The following ABLIM1 variants were observed in gnomAD, a reference collection of about 807,000 sequenced individuals.
ABLIM1 encodes actin binding LIM protein 1.
In ABLIM1, 40 loss-of-function variants were observed where a neutral mutation model predicts 107.0. The observed-to-expected ratio is 0.37, with a 90% CI of 0.29 to 0.49. The LOEUF (loss-of-function observed/expected upper bound fraction) is 0.49, where lower values mean the gene tolerates loss of function less well. Among genes scored for constraint, ABLIM1 ranks in the 20% least tolerant of loss-of-function variants. The pLI is 0.97. For missense variants in ABLIM1, 857 were observed against 1,008.5 expected (o/e 0.85, Z 2.04); for synonymous variants, 357 against 357.3 (o/e 1.00, Z 0.01).
intron 6 of ABLIM1, among the ~76,000 whole-genome samples, chr10:114,524,193 G>A (rs1469122933): frequency 6.6e-6 from 1 of 152,140 alleles, no homozygotes; most frequent in Non-Finnish European, 1.5e-5. Context: ...GGTAGCTCCT[G>A]GAAGTCACGG....
intron 1 of ABLIM1, among the ~76,000 whole-genome samples, chr10:114,630,558 C>A (rs939874063): frequency 2.0e-4 from 31 of 152,182 alleles, no homozygotes; most frequent in African/African-American, 7.5e-4. Context: ...TCCTGAGGTG[C>A]AGCCTTTACA....
At chr10:114,705,934 G>A (rs948398351) in intron 1 of ABLIM1, among the ~76,000 whole-genome samples, 5 of 152,130 alleles carry the variant, frequency 3.3e-5, no homozygotes, top group Non-Finnish European at 5.9e-5. Context: ...GAATTCCCAA[G>A]ACAAATAGGC....
intron 6 of ABLIM1, among the ~76,000 whole-genome samples, chr10:114,523,758 C>G (rs2064150714): frequency 6.6e-6 from 1 of 152,162 alleles, no homozygotes; most frequent in African/African-American, 2.4e-5. Flanking sequence ...GACCAAGCTC[C>G]TGGGTGGTCT....
the ABLIM1 span, among the ~76,000 whole-genome samples, chr10:114,794,244 C>T: frequency 6.6e-6 from 1 of 152,224 alleles, no homozygotes; most frequent in Non-Finnish European, 1.5e-5. Flanking sequence ...TCTTACCCTG[C>T]TTCATTTTCT....
intron 6 of ABLIM1, chr10:114,526,609 C>G: frequency 1.0e-6 from 1 of 985,414 alleles, no homozygotes; most frequent in Non-Finnish European, 1.2e-6. Context: ...AATCTCACAT[C>G]TGCCACGCAA....
intron 1 of ABLIM1, among the ~76,000 whole-genome samples, chr10:114,625,081 T>C (rs1241039880): frequency 6.6e-6 from 1 of 152,222 alleles, no homozygotes; most frequent in African/African-American, 2.4e-5. Flanking sequence ...CACTTCCCTT[T>C]AGACCTTACT....
chr10:114,781,648 GTATATATATATGCGTGTATATATATA>G, the ABLIM1 span, among the ~76,000 whole-genome samples: 3 of 125,348 alleles, frequency 2.4e-5, no homozygotes, highest in African/African-American at 3.0e-5. Flanking sequence ...GTGTGTGTGT[GTATATATATATGCGTGTATATATATA>G]TATATATATA....
chr10:114,701,396 A>C (rs1218368405), intron 1 of ABLIM1, among the ~76,000 whole-genome samples: 1 of 152,162 alleles, frequency 6.6e-6, no homozygotes, highest in Non-Finnish European at 1.5e-5. Context: ...CCTCCGACCT[A>C]GCAATTCCAC....
intron 1 of ABLIM1, among the ~76,000 whole-genome samples, chr10:114,678,666 A>G (rs1287515906): frequency 6.6e-6 from 1 of 152,238 alleles, no homozygotes; most frequent in Non-Finnish European, 1.5e-5. Flanking sequence ...CCTTCACAGA[A>G]AAAGTATGCT....
chr10:114,501,569 C>A (rs892875128), intron 6 of ABLIM1, among the ~76,000 whole-genome samples: 3 of 152,236 alleles, frequency 2.0e-5, no homozygotes, highest in African/African-American at 4.8e-5. Context: ...CCATTCCCAA[C>A]TATTAAAATG....
At chr10:114,670,395 C>T (rs2080199056) in intron 1 of ABLIM1, among the ~76,000 whole-genome samples, 1 of 152,256 alleles carries the variant, frequency 6.6e-6, no homozygotes, top group Non-Finnish European at 1.5e-5. Flanking sequence ...AAATAAGATA[C>T]ATATATTAGA....
intron 8 of ABLIM1, among the ~76,000 whole-genome samples, chr10:114,481,854 A>T (rs868606398): frequency 1.3e-4 from 20 of 152,250 alleles, no homozygotes; most frequent in African/African-American, 4.8e-4. Context: ...ACAAAACAAA[A>T]ATCAAACACC....
intron 22 of ABLIM1, among the ~76,000 whole-genome samples, chr10:114,437,607 C>T (rs1282280893): frequency 2.6e-5 from 4 of 152,182 alleles, no homozygotes; most frequent in Admixed American, 2.6e-4. Context: ...GCGTGAGCCA[C>T]CATGCCCACC....
chr10:114,503,085 C>A lies in ABLIM1; in HGVS notation c.895-11207G>T, dbSNP rs543772193. 7.2e-5 allele frequency among the ~76,000 whole-genome samples: 11 copies of A among 152,284 alleles called. No individual in the cohort carries two copies. The South Asian group carries it at 2.1e-3, about 29-fold the overall frequency. ...TGTGTGTAGTCATACTTCACTAAAT[C>A]TCAATTCCTTTGTGGAAATATACTA... On this transcript the variant is annotated intron_variant, in intron 6 of 22. Coordinates refer to ENST00000533213, the MANE Select transcript of ABLIM1 (RefSeq NM_002313.7).
chr10:114,770,706 C>T (rs1470346867), upstream of ABLIM1, among the ~76,000 whole-genome samples: 1 of 152,206 alleles, frequency 6.6e-6, no homozygotes, highest in Non-Finnish European at 1.5e-5. Flanking sequence ...CCCAAATCTC[C>T]TTGAAATCAG....
intron 22 of ABLIM1, 116 bp from the exon 23 acceptor site, chr10:114,436,489 G>A (rs982529883): frequency 2.0e-5 from 15 of 738,390 alleles, no homozygotes; most frequent in Admixed American, 5.4e-5. Flanking sequence ...GCAGGAGGAC[G>A]GGAGAGGAGC....
chr10:114,798,562 C>CCG, the ABLIM1 span, among the ~76,000 whole-genome samples: 1 of 147,410 alleles, frequency 6.8e-6, no homozygotes, highest in Non-Finnish European at 1.5e-5. Context: ...TGAGACCCCC[C>CCG]CCCCATGTCT....
intron 1 of ABLIM1, among the ~76,000 whole-genome samples, chr10:114,620,170 G>A (rs1280118987): frequency 6.6e-6 from 1 of 152,198 alleles, no homozygotes; most frequent in Admixed American, 6.5e-5. Flanking sequence ...AAGTTTAATG[G>A]ATCATCACCG....
chr10:114,502,917 C>A (rs1047888247), intron 6 of ABLIM1, among the ~76,000 whole-genome samples: 5 of 152,210 alleles, frequency 3.3e-5, no homozygotes, highest in African/African-American at 1.2e-4. Context: ...CTTGTGTCCT[C>A]TTCCAATGAT....
Sources: allele counts gnomAD v4.1 joint callset (sites outside exome capture counted in the v4.1 genomes callset), GRCh38; gene constraint gnomAD v4.1.1; transcripts MANE v1.5; gene names NCBI Gene and HGNC (gene_info 2026-07-23, HGNC 2026-07-21).